The following MED27 variants were observed in gnomAD, a reference collection of about 807,000 sequenced individuals.
MED27 encodes the protein mediator of RNA polymerase II transcription subunit 27.
MED27 carries 30 observed loss-of-function variants against 38.2 expected under a neutral mutation model. That is an observed-to-expected ratio of 0.79 (90% confidence interval 0.59 to 1.07). The LOEUF is 1.07. Among genes scored for constraint, MED27 ranks in the 50% least tolerant of loss-of-function variants. MED27 has a pLI of 0.00. For missense variants in MED27, 289 were observed against 397.5 expected, an observed-to-expected ratio of 0.73 and a Z score of 2.32; for synonymous variants, 122 against 153.5, an observed-to-expected ratio of 0.79 and a Z score of 1.52.
At chr9:132,061,116 G>A (rs973467667) in intron 2 of MED27, among the ~76,000 whole-genome samples, 14 of 152,152 alleles carry the variant, frequency 9.2e-5, no homozygotes, top group African/African-American at 3.4e-4. Flanking sequence ...AACACTAAAG[G>A]ACACTTTAGG....
chr9:132,019,490 G>A (rs1832673970), intron 2 of MED27, among the ~76,000 whole-genome samples: 1 of 152,156 alleles, frequency 6.6e-6, no homozygotes, highest in Non-Finnish European at 1.5e-5. Context: ...AAGTGGGTAT[G>A]TTCACAGGCT....
chr9:131,933,746 T>C (rs1830632447), intron 4 of MED27, among the ~76,000 whole-genome samples: 1 of 151,944 alleles, frequency 6.6e-6, no homozygotes, highest in African/African-American at 2.4e-5. Flanking sequence ...CTTATCAAAA[T>C]ACCAATGATA....
At chr9:131,943,225 TA>T (rs1830818388) in intron 3 of MED27, among the ~76,000 whole-genome samples, 1 of 152,178 alleles carries the variant, frequency 6.6e-6, no homozygotes. Context: ...AAACAATGTC[TA>T]AATTCTCGAG....
intron 4 of MED27, among the ~76,000 whole-genome samples, chr9:131,903,960 G>A (rs1277311140): frequency 3.3e-5 from 5 of 150,162 alleles, no homozygotes; most frequent in African/African-American, 7.4e-5. Context: ...GTGCGGTGGC[G>A]TGATCTCGGC....
rs191992254 is a variant in MED27, at chr9:132,029,205, G to C, written c.349-14738C>G. 9.2e-5 allele frequency among the ~76,000 whole-genome samples: 14 copies of C among 152,324 alleles called. No individual in the cohort carries two copies. In the East Asian group the frequency reaches 2.7e-3, roughly 29 times the overall value. On this transcript the variant is annotated intron_variant, in intron 2 of 7. Transcript: ENST00000292035. The stretch of plus-strand genomic sequence containing the variant: ...TAGGAACAAATAGTAGAGATTGAAA[G>C]CTTTTAGAATTCTGAAACCCTACTC...
intron 3 of MED27, among the ~76,000 whole-genome samples, chr9:131,958,887 C>G: frequency 6.6e-6 from 1 of 152,212 alleles, no homozygotes; most frequent in East Asian, 1.9e-4. Context: ...GCAGACTCCA[C>G]GTGCTGAGCA....
chr9:132,065,911 T>C (rs1436032426), intron 2 of MED27, among the ~76,000 whole-genome samples: 1 of 152,220 alleles, frequency 6.6e-6, no homozygotes, highest in African/African-American at 2.4e-5. Context: ...CCAAATACTG[T>C]TGGTCCCCGT....
intron 3 of MED27, among the ~76,000 whole-genome samples, chr9:131,979,477 C>A: frequency 1.1e-5 from 1 of 87,152 alleles, no homozygotes; most frequent in Non-Finnish European, 2.2e-5. Flanking sequence ...ATATTAAAAG[C>A]TGTTCCAAAA....
intron 5 of MED27, among the ~76,000 whole-genome samples, chr9:131,886,313 C>T (rs78937059): frequency 0.013 from 1,942 of 152,290 alleles, 32 homozygotes; most frequent in Middle Eastern, 0.075. Context: ...TCTGTACTTC[C>T]GCAGGAGAGG....
In MED27 at chr9:132,047,954, ATTATTGGAACACTAAGCATGTGGGAG is replaced by A. The variant is rs1168848753; in HGVS notation, c.348+29462_348+29487del. Among the ~76,000 whole-genome samples the A allele has an allele frequency of 5.3e-5, 8 of 152,316 alleles. No individual in the cohort carries two copies. The East Asian group carries it at 9.6e-4, about 18-fold the overall frequency. On this transcript the variant is annotated intron_variant, in intron 2 of 7. Transcript: ENST00000292035. The stretch of plus-strand genomic sequence containing the variant: ...AAAGCCCATTTATGCCTAGTGTTCC[ATTATTGGAACACTAAGCATGTGGGAG>A]TTATTTATATCCTACTGCTCAAGGT...
intron 2 of MED27, among the ~76,000 whole-genome samples, chr9:132,066,162 G>A (rs533775167): frequency 1.3e-5 from 2 of 152,374 alleles, no homozygotes; most frequent in Admixed American, 6.5e-5. Flanking sequence ...GCAGGCAGCC[G>A]CAGTGTGGTC....
intron 3 of MED27, among the ~76,000 whole-genome samples, chr9:131,968,004 T>G (rs1229864744): frequency 6.6e-6 from 1 of 151,834 alleles, no homozygotes; most frequent in East Asian, 1.9e-4. Context: ...TTTTTTTTAG[T>G]AGAGACGGGG....
At position 131,899,956 on chromosome 9, in the gene MED27, C is replaced by T. The variant is rs567471795; in HGVS notation, c.574-5964G>A. On this transcript the variant is annotated intron_variant, in intron 4 of 7. Transcript: ENST00000292035. The stretch of plus-strand genomic sequence containing the variant: ...GCAAAACGCCCACCGACGGGGGCTA[C>T]AGGTCGGCTCTTGGCAACTGCTATA... 3.3e-5 allele frequency among the ~76,000 whole-genome samples: 5 copies of T among 152,366 alleles called. No individual in the cohort carries two copies. In the South Asian group the frequency reaches 1.0e-3, roughly 32 times the overall value.
At chr9:131,865,339 C>T (rs1473011500) in intron 6 of MED27, among the ~76,000 whole-genome samples, 2 of 152,112 alleles carry the variant, frequency 1.3e-5, no homozygotes, top group South Asian at 2.1e-4. Context: ...TGGTAATTGG[C>T]GGGGGGACAT....
intron 3 of MED27, among the ~76,000 whole-genome samples, chr9:131,967,443 C>T (rs1017881084): frequency 1.3e-5 from 2 of 151,652 alleles, no homozygotes; most frequent in African/African-American, 2.4e-5. Flanking sequence ...GTTGCACTTA[C>T]GGCAGAGTCT....
intron 2 of MED27, among the ~76,000 whole-genome samples, chr9:132,038,341 G>A (rs1047326456): frequency 1.3e-5 from 2 of 151,364 alleles, no homozygotes; most frequent in Admixed American, 6.6e-5. Context: ...ACAGGCGCCC[G>A]CCACTACGCC....
In MED27 at chr9:131,889,636, A is replaced by AGCAAAGT. The variant is rs58670376; in HGVS notation, c.681+4242_681+4248dup. On this transcript the variant is annotated intron_variant, in intron 5 of 7. Coordinates refer to ENST00000292035, the MANE Select transcript of MED27 (RefSeq NM_004269.4). This position sits in a 1 kb window ranked among gnomAD's most constrained non-coding sequence, Gnocchi z 4.2. ...CTAGGGTCATGGCGGTGGTTGTTAG[A>AGCAAAGT]GCAAAGTGCAAAGTGCAAAGTGATA... 6.6e-6 allele frequency among the ~76,000 whole-genome samples: 1 copy of AGCAAAGT among 152,194 alleles called. No homozygotes were observed. Among genetic ancestry groups the AGCAAAGT allele is most frequent in the African/African-American group, 2.4e-5 (1 of 41,446 alleles).
In MED27 at chr9:131,924,440, A is replaced by G. The variant is rs112265608; in HGVS notation, c.573+14941T>C. ...TATCCCATTTTTGGTGTTTTACCCT[A>G]TATTTTTATGATTTAAAAAATAATT... On this transcript the variant is annotated intron_variant, in intron 4 of 7. Coordinates refer to ENST00000292035, the MANE Select transcript of MED27 (RefSeq NM_004269.4). 2.0e-3 allele frequency among the ~76,000 whole-genome samples: 307 copies of G among 152,122 alleles called. 2 individuals are homozygous for G. Among genetic ancestry groups the G allele is most frequent in the African/African-American group, 7.2e-3 (298 of 41,486 alleles).
intron 3 of MED27, among the ~76,000 whole-genome samples, chr9:131,971,251 G>C (rs1336826887): frequency 2.6e-5 from 4 of 152,192 alleles, no homozygotes; most frequent in African/African-American, 9.7e-5. Context: ...AAGGACACCT[G>C]ACACACTGTG....
Sources: gnomAD v4.1 joint callset for allele counts (sites outside exome capture counted in the v4.1 genomes callset) on GRCh38, gnomAD v4.1.1 for gene constraint, Gnocchi (gnomAD v3.1) non-coding constraint, MANE v1.5 for transcripts, NCBI Gene and HGNC (gene_info 2026-07-23, HGNC 2026-07-21) for gene names.